The following SMAP1 variants were observed in gnomAD, a reference collection of about 807,000 sequenced individuals.
SMAP1 encodes small ArfGAP 1, also known as stromal membrane-associated protein 1.
Under a neutral mutation model 58.5 loss-of-function variants are expected in SMAP1, and 24 were observed. That is an observed-to-expected ratio of 0.41 (90% CI 0.30 to 0.58). The LOEUF (loss-of-function observed/expected upper bound fraction) is 0.58, where lower values mean the gene tolerates loss of function less well. SMAP1 is among the 20% of genes least tolerant of loss of function. The pLI, the probability that SMAP1 is intolerant of heterozygous loss-of-function variation, is 0.29. For synonymous variants in SMAP1, 216 were observed against 196.6 expected (o/e 1.10, Z -0.82); for missense variants, 563 against 566.3 (o/e 0.99, Z 0.06).
chr6:70,706,030 A>T (rs1767823977), intron 1 of SMAP1, among the ~76,000 whole-genome samples: 1 of 152,220 alleles, frequency 6.6e-6, no homozygotes, highest in Admixed American at 6.5e-5. Flanking sequence ...GAAGGCTTGA[A>T]TGGGGCAGAA....
chr6:70,772,558 A>C (rs1767376077), intron 3 of SMAP1, among the ~76,000 whole-genome samples: 1 of 152,222 alleles, frequency 6.6e-6, no homozygotes, highest in Non-Finnish European at 1.5e-5. Context: ...CCCTTTAAGA[A>C]TTTCCATTTC....
At chr6:70,836,904 TAAG>T in intron 6 of SMAP1, 34 bp from the exon 7 acceptor site, 1 of 1,470,752 alleles carries the variant, frequency 6.8e-7, no homozygotes, top group Non-Finnish European at 9.1e-7. Flanking sequence ...TAAATTTACT[TAAG>T]AAAAATTAAT....
At chr6:70,710,475 A>G (rs1768008141) in intron 1 of SMAP1, among the ~76,000 whole-genome samples, 1 of 145,146 alleles carries the variant, frequency 6.9e-6, no homozygotes, top group African/African-American at 2.6e-5. Flanking sequence ...GCCTGGTGAC[A>G]GAGCGAGACT....
intron 1 of SMAP1, among the ~76,000 whole-genome samples, chr6:70,719,143 T>A (rs1050397347): frequency 6.6e-6 from 1 of 152,162 alleles, no homozygotes; most frequent in African/African-American, 2.4e-5. Context: ...CAGAGAAAAG[T>A]ACTTGTTCTA....
At chr6:70,791,549 C>A in intron 4 of SMAP1, 140 bp from the exon 5 acceptor site, 1 of 555,576 alleles carries the variant, frequency 1.8e-6, no homozygotes, top group African/African-American at 1.9e-5. Context: ...TTTCTTGATG[C>A]ATTGTTTTAC....
rs1771668233 is a variant in SMAP1 at position 70,860,443 on chromosome 6, G to C, written c.*109G>C. On this transcript the variant is annotated 3_prime_UTR_variant, in exon 11 of 11. Transcript: ENST00000370455. ...ATATTTTTTTTCTTTTTACCCATTT[G>C]TTCATATTAAGAATGATCTGATTGA... 7.6e-7 allele frequency: 1 copy of C among 1,314,944 alleles called. No individual in the cohort carries two copies. The highest frequency in any genetic ancestry group is 1.5e-5 in the African/African-American group (1 of 67,198). 81.5% of individuals were successfully genotyped at this position (1,314,944 alleles called of 1,614,324 possible). A position where few individuals can be genotyped will look rare whatever the true frequency, so the allele number is the denominator to read the frequency against.
chr6:70,813,671 T>C (rs1769487218), intron 6 of SMAP1, among the ~76,000 whole-genome samples: 1 of 152,128 alleles, frequency 6.6e-6, no homozygotes, highest in African/African-American at 2.4e-5. Context: ...CTTGTAGTGT[T>C]CTAGATGTGT....
chr6:70,768,501 T>G (rs1472022569), intron 3 of SMAP1, among the ~76,000 whole-genome samples: 2 of 152,230 alleles, frequency 1.3e-5, no homozygotes, highest in East Asian at 1.9e-4. Flanking sequence ...GTCGAGGAAT[T>G]TATCCATTTC....
chr6:70,733,988 A>G lies in SMAP1; in HGVS notation c.252+1477A>G, dbSNP rs990332617. Among the ~76,000 whole-genome samples the G allele has an allele frequency of 5.8e-5, 8 of 137,596 alleles. No individual in the cohort carries two copies. In the East Asian group the frequency reaches 6.5e-4, roughly 11 times the overall value. The allele number at this position is 137,596 out of a possible 152,430, so 90.3% of individuals were successfully genotyped here. On this transcript the variant is annotated intron_variant, in intron 2 of 10. Transcript: ENST00000370455. Reference sequence around the variant, plus strand: ...TTTCTTTGGCATAGGTTACAAGTACATGGCAATATATTGGATTTTTTTTTT... The same window carrying G: ...TTTCTTTGGCATAGGTTACAAGTACGTGGCAATATATTGGATTTTTTTTTT...
At chr6:70,740,532 T>G (rs1765772418) in intron 2 of SMAP1, among the ~76,000 whole-genome samples, 1 of 152,236 alleles carries the variant, frequency 6.6e-6, no homozygotes, top group African/African-American at 2.4e-5. Flanking sequence ...GTTCCCTTTT[T>G]GCACTTTTAT....
At chr6:70,854,411 CAGG>C (rs763394975) in intron 8 of SMAP1, among the ~76,000 whole-genome samples, 13 of 152,196 alleles carry the variant, frequency 8.5e-5, no homozygotes, top group Non-Finnish European at 1.8e-4. Context: ...CACCTGAGGC[CAGG>C]AGTTCAACAC....
intron 1 of SMAP1, among the ~76,000 whole-genome samples, chr6:70,705,470 C>G (rs113100077): frequency 6.6e-6 from 1 of 152,072 alleles, no homozygotes; most frequent in African/African-American, 2.4e-5. Flanking sequence ...CCAGGCTGGT[C>G]TCAAACTCCT....
intron 1 of SMAP1, among the ~76,000 whole-genome samples, chr6:70,680,672 A>G (rs575178937): frequency 1.3e-5 from 2 of 152,170 alleles, no homozygotes; most frequent in African/African-American, 2.4e-5. Context: ...TCCATACACA[A>G]AAGACAACAG....
At chr6:70,726,874 G>GGT (rs35977042) in intron 1 of SMAP1, among the ~76,000 whole-genome samples, 6,047 of 144,822 alleles carry the variant, frequency 0.042, 130 homozygotes, top group Non-Finnish European at 0.048. Flanking sequence ...AAATTTTAGG[G>GGT]GTGTGTGTGT....
At chr6:70,668,431 A>T in intron 1 of SMAP1, 1 of 1,243,560 alleles carries the variant, frequency 8.0e-7, no homozygotes, top group Non-Finnish European at 1.1e-6. Context: ...GACCCTCCAC[A>T]GGGCTGGGGG....
At chr6:70,836,010 C>G (rs1164110738) in intron 6 of SMAP1, among the ~76,000 whole-genome samples, 1 of 152,100 alleles carries the variant, frequency 6.6e-6, no homozygotes, top group Admixed American at 6.5e-5. Flanking sequence ...GAAAGTATAT[C>G]AAATACCATT....
intron 4 of SMAP1, among the ~76,000 whole-genome samples, chr6:70,780,425 T>C (rs936324513): frequency 6.6e-6 from 1 of 151,934 alleles, no homozygotes; most frequent in Non-Finnish European, 1.5e-5. Context: ...AAAATAATAA[T>C]GAAAAATTAG....
At chr6:70,857,813 A>T in intron 9 of SMAP1, 109 bp from the exon 10 acceptor site, 1 of 1,234,258 alleles carries the variant, frequency 8.1e-7, no homozygotes, top group Non-Finnish European at 1.1e-6. Context: ...AACTGGAATT[A>T]AAATGTTTGC....
At chr6:70,683,706 A>G (rs1766820172) in intron 1 of SMAP1, among the ~76,000 whole-genome samples, 1 of 152,100 alleles carries the variant, frequency 6.6e-6, no homozygotes, top group African/African-American at 2.4e-5. Flanking sequence ...TTGGAAAAAT[A>G]TTTTCAGTTT....
Sources: gnomAD v4.1 joint callset for allele counts (sites outside exome capture counted in the v4.1 genomes callset) on GRCh38, gnomAD v4.1.1 for gene constraint, MANE v1.5 for transcripts, NCBI Gene and HGNC (gene_info 2026-07-23, HGNC 2026-07-21) for gene names.